LUC7L2: variants seen among roughly 807,000 people sequenced by gnomAD.
LUC7L2 encodes the protein LUC7 like 2, pre-mRNA splicing factor, also known as putative RNA-binding protein Luc7-like 2.
A neutral mutation model predicts 52.8 loss-of-function variants in LUC7L2; 25 were observed. That is an observed-to-expected ratio of 0.47 (90% CI 0.34 to 0.66). The LOEUF (loss-of-function observed/expected upper bound fraction) is 0.66. Ranked by LOEUF, LUC7L2 falls within the 30% of genes least tolerant of loss-of-function variation. The probability of loss-of-function intolerance (pLI) is 0.01; values close to 1 mark genes in which losing one functional copy is unlikely to be tolerated. For synonymous variants in LUC7L2, 144 were observed against 160.9 expected (o/e 0.89, Z 0.80); for missense variants, 328 against 497.8 (o/e 0.66, Z 3.25).
intron 2 of LUC7L2, among the ~76,000 whole-genome samples, chr7:139,378,104 C>T (rs903643836): frequency 3.3e-5 from 5 of 152,008 alleles, no homozygotes; most frequent in Non-Finnish European, 7.4e-5. Flanking sequence ...AAGCGTGACC[C>T]ACTGCACCTG....
At chr7:139,353,617 A>G (rs2131160854) in intron 1 of LUC7L2, among the ~76,000 whole-genome samples, 1 of 152,140 alleles carries the variant, frequency 6.6e-6, no homozygotes, top group Middle Eastern at 3.4e-3. Context: ...ACATGGTGAA[A>G]CCCCATCTCT....
chr7:139,369,342 T>C (rs1271417427), intron 1 of LUC7L2, among the ~76,000 whole-genome samples: 1 of 152,186 alleles, frequency 6.6e-6, no homozygotes, highest in Non-Finnish European at 1.5e-5. Context: ...TAGGACTTAA[T>C]GTTAAAGTAA....
At chr7:139,359,685 T>TTGGC (rs1466789016), upstream of LUC7L2, 1 of 397,778 alleles carries the variant, frequency 2.5e-6, no homozygotes, top group Non-Finnish European at 4.4e-6. Flanking sequence ...AATGTAAGGT[T>TTGGC]TGGCGCCTCG....
At position 139,361,588 on chromosome 7, in the gene LUC7L2, T is replaced by C. The variant is rs1799887633; in HGVS notation, c.61+1266T>C. ...GAATATATAGACAAATAGGTGTAGATGGCAAACCTACTTGTGGTTGTGTAG... is the reference window on the plus strand; with the variant it reads ...GAATATATAGACAAATAGGTGTAGACGGCAAACCTACTTGTGGTTGTGTAG... On this transcript the variant is annotated intron_variant, in intron 1 of 9. Coordinates refer to ENST00000354926, the MANE Select transcript of LUC7L2 (RefSeq NM_016019.5). 3.9e-5 allele frequency among the ~76,000 whole-genome samples: 6 copies of C among 152,154 alleles called. No homozygotes were observed. In the South Asian group the frequency reaches 1.2e-3, roughly 32 times the overall value.
chr7:139,348,697 G>A (rs1406891041), intron 1 of LUC7L2, among the ~76,000 whole-genome samples: 1 of 151,436 alleles, frequency 6.6e-6, no homozygotes, highest in Non-Finnish European at 1.5e-5. Context: ...CAAGCCTGGT[G>A]ACAGAGCGAG....
At chr7:139,341,512 G>T (rs758182186) in intron 1 of LUC7L2, 2 of 1,612,734 alleles carry the variant, frequency 1.2e-6, no homozygotes, top group African/African-American at 1.3e-5. Flanking sequence ...AAGGCTTTCC[G>T]TGCACATCGG....
At chr7:139,377,940 C>T (rs1189626970) in intron 2 of LUC7L2, among the ~76,000 whole-genome samples, 1 of 151,412 alleles carries the variant, frequency 6.6e-6, no homozygotes, top group Non-Finnish European at 1.5e-5. Context: ...ACCTCAACCT[C>T]CCAAGTAGGT....
intron 7 of LUC7L2, among the ~76,000 whole-genome samples, chr7:139,410,571 A>AT (rs1795318039): frequency 6.6e-6 from 1 of 152,100 alleles, no homozygotes; most frequent in African/African-American, 2.4e-5. Context: ...TGGTGGCAAC[A>AT]TTTTTTTGTA....
intron 1 of LUC7L2, among the ~76,000 whole-genome samples, chr7:139,353,313 C>T (rs1010441974): frequency 3.9e-5 from 6 of 152,174 alleles, no homozygotes; most frequent in African/African-American, 1.4e-4. Flanking sequence ...TCATAAATTA[C>T]AATAAATTGA....
intron 8 of LUC7L2, among the ~76,000 whole-genome samples, chr7:139,414,484 T>G (rs1427700009): frequency 6.6e-6 from 1 of 152,276 alleles, no homozygotes; most frequent in African/African-American, 2.4e-5. Flanking sequence ...TTGGACAAGC[T>G]TGGCATAGCC....
At position 139,407,354 on chromosome 7, in the gene LUC7L2, C is replaced by A; in HGVS notation, c.687+4C>A. Reference sequence around the variant, plus strand: ...AGAGAAGCTTGAAGAATTAAAGGTACATTGGTAAAATATTCCTCACTTTAT... The same window carrying A: ...AGAGAAGCTTGAAGAATTAAAGGTAAATTGGTAAAATATTCCTCACTTTAT... On this transcript the variant is annotated splice_donor_region_variant and intron_variant, in intron 6 of 9. Transcript: ENST00000354926. 1 of 1,602,582 alleles carries A rather than the reference C, an allele frequency of 6.2e-7. No homozygotes were observed. Among genetic ancestry groups the A allele is most frequent in the African/African-American group, 1.3e-5 (1 of 74,466 alleles).
Position 139,360,098 on chromosome 7 carries a change from C to T in LUC7L2, c.-164C>T, listed in dbSNP as rs894869676. The T allele has an allele frequency of 6.8e-6, 4 of 584,362 alleles. No homozygotes were observed. The highest frequency in any genetic ancestry group is 5.8e-5 in the African/African-American group (3 of 51,360). 36.2% of individuals were successfully genotyped at this position (584,362 alleles called of 1,614,324 possible). ...ACACGTCGTCGTGAGGAGCGCAGTC[C>T]GGACTCTTCCCGCAACCCCTCCGGC... On this transcript the variant is annotated 5_prime_UTR_variant, in exon 1 of 10. Coordinates refer to ENST00000354926, the MANE Select transcript of LUC7L2 (RefSeq NM_016019.5).
intron 5 of LUC7L2, among the ~76,000 whole-genome samples, 198 bp downstream of exon 5, chr7:139,405,985 G>A (rs1795095916): frequency 1.3e-5 from 2 of 152,294 alleles, no homozygotes; most frequent in East Asian, 1.9e-4. Context: ...GTGGTGGTGC[G>A]TGCCTTTGGT....
At chr7:139,371,703 G>A (rs896243909) in intron 1 of LUC7L2, among the ~76,000 whole-genome samples, 1 of 152,164 alleles carries the variant, frequency 6.6e-6, no homozygotes, top group Non-Finnish European at 1.5e-5. Context: ...GAATGGCAGT[G>A]TTGGGAATGA....
At chr7:139,405,340 G>A (rs1290150736) in intron 4 of LUC7L2, among the ~76,000 whole-genome samples, 1 of 152,132 alleles carries the variant, frequency 6.6e-6, no homozygotes, top group Non-Finnish European at 1.5e-5. Flanking sequence ...AGCAAGAGAT[G>A]GTTTAGAAAA....
At chr7:139,363,201 G>A in intron 1 of LUC7L2, 1 of 985,390 alleles carries the variant, frequency 1.0e-6, no homozygotes, top group Non-Finnish European at 1.2e-6. Flanking sequence ...AACCGCCTGT[G>A]TGCCACTGAA....
intron 2 of LUC7L2, among the ~76,000 whole-genome samples, chr7:139,378,808 G>A (rs1040298368): frequency 2.0e-5 from 3 of 152,190 alleles, no homozygotes; most frequent in Admixed American, 6.5e-5. Context: ...GGACACCATT[G>A]TATGACACTT....
chr7:139,389,727 C>G (rs917129815), intron 2 of LUC7L2, among the ~76,000 whole-genome samples: 5 of 151,988 alleles, frequency 3.3e-5, no homozygotes, highest in African/African-American at 1.2e-4. Context: ...ATATTGAGTA[C>G]CTATTATGTG....
intron 7 of LUC7L2, among the ~76,000 whole-genome samples, chr7:139,411,948 G>A (rs1369107075): frequency 6.6e-6 from 1 of 152,144 alleles, no homozygotes; most frequent in African/African-American, 2.4e-5. Flanking sequence ...TGTAGGTTGA[G>A]CATCCCAAAT....
Sources: gnomAD v4.1 joint callset for allele counts (sites outside exome capture counted in the v4.1 genomes callset) on GRCh38, gnomAD v4.1.1 for gene constraint, MANE v1.5 for transcripts, NCBI Gene and HGNC (gene_info 2026-07-23, HGNC 2026-07-21) for gene names.